SPATA31C1: variants seen among roughly 807,000 people sequenced by gnomAD.
The protein encoded by SPATA31C1 is SPATA31 subfamily C member 1.
exon 5 of SPATA31C1, chr9:87,923,121 A>T: frequency 6.2e-7 from 1 of 1,603,608 alleles, no homozygotes; most frequent in Non-Finnish European, 8.5e-7. Flanking sequence ...ACCGGAGGAG[A>T]ACATGTCACT....
In SPATA31C1 at chr9:87,919,235, C is replaced by T. The variant is rs532326419; in HGVS notation, n.523-56C>T. 34 of 661,274 alleles carry T rather than the reference C, an allele frequency of 5.1e-5. No individual in the cohort carries two copies. In the African/African-American group the frequency reaches 7.0e-4, roughly 14 times the overall value. The allele number at this position is 661,274 out of a possible 1,614,324, so 41.0% of individuals were successfully genotyped here. On this transcript the variant is annotated intron_variant and non_coding_transcript_variant, in intron 2 of 4. Transcript: ENST00000420021. ...AGAGGGAGAGCCGGTCCTAGCTCCT[C>T]GCCATTTCTTGTCTCCCAGCGTCAT...
exon 5 of SPATA31C1, chr9:87,920,971 C>A (rs947618892): frequency 6.8e-6 from 11 of 1,612,906 alleles, no homozygotes; most frequent in African/African-American, 4.0e-5. Flanking sequence ...ACACCTATGG[C>A]TCAGGCCGAG....
exon 5 of SPATA31C1, chr9:87,922,023 A>G (rs772431366): frequency 1.2e-6 from 2 of 1,613,900 alleles, no homozygotes; most frequent in East Asian, 4.5e-5. Context: ...GGCTGGCTCA[A>G]AAGTTGAGGT....
At chr9:87,921,716 T>C (rs1487800432) in exon 5 of SPATA31C1, 10 of 1,611,922 alleles carry the variant, frequency 6.2e-6, no homozygotes, top group Middle Eastern at 2.2e-4. Context: ...TGAGTGTGCG[T>C]CGATCCTGGC....
At chr9:87,921,546 G>A (rs769525270) in exon 5 of SPATA31C1, 1 of 1,611,994 alleles carries the variant, frequency 6.2e-7, no homozygotes, top group South Asian at 1.1e-5. Context: ...GAAGGTTCTG[G>A]GGGCGACCTC....
chr9:87,922,967 GCAATTTTTTGAGA>G, exon 5 of SPATA31C1: 1 of 1,236,086 alleles, frequency 8.1e-7, no homozygotes, highest in Non-Finnish European at 1.1e-6. Context: ...AAAACATCAA[GCAATTTTTTGAGA>G]CGATTTTTTC....
exon 5 of SPATA31C1, chr9:87,920,702 C>T: frequency 6.2e-7 from 1 of 1,614,008 alleles, no homozygotes; most frequent in Non-Finnish European, 8.5e-7. Flanking sequence ...TCCCTCAAAG[C>T]TTGTCTCCAC....
At chr9:87,915,744 AT>A (rs1386236463) in intron 1 of SPATA31C1, among the ~76,000 whole-genome samples, 11 of 142,754 alleles carry the variant, frequency 7.7e-5, no homozygotes, top group African/African-American at 2.8e-4. Context: ...GTATGGAACT[AT>A]TTCTGAGTTC....
exon 5 of SPATA31C1, chr9:87,921,099 C>T (rs764040109): frequency 3.7e-6 from 6 of 1,611,480 alleles, no homozygotes; most frequent in Admixed American, 3.3e-5. Context: ...TCTCTCCTTA[C>T]CTGAAACTCA....
intron 1 of SPATA31C1, among the ~76,000 whole-genome samples, chr9:87,915,802 T>C (rs1396711009): frequency 1.4e-5 from 2 of 145,002 alleles, no homozygotes; most frequent in African/African-American, 2.5e-5. Context: ...AATACCACAC[T>C]GTCTTGATTT....
chr9:87,919,220 C>G (rs1828780413), intron 2 of SPATA31C1, 35 bp from the exon 2 acceptor site: 1 of 1,600,352 alleles, frequency 6.2e-7, no homozygotes, highest in African/African-American at 1.3e-5. Flanking sequence ...AGAGGGAGAG[C>G]CGGTCCTAGC....
intron 1 of SPATA31C1, among the ~76,000 whole-genome samples, chr9:87,916,721 G>A (rs1326566182): frequency 2.6e-5 from 3 of 114,026 alleles, no homozygotes; most frequent in African/African-American, 5.1e-5. Context: ...CAGCAGGCCC[G>A]GCACGGTGGC....
chr9:87,919,122 T>A (rs144239244), intron 2 of SPATA31C1, 133 bp from the exon 2 acceptor site: 6 of 1,351,040 alleles, frequency 4.4e-6, no homozygotes, highest in African/African-American at 1.5e-5. Context: ...TAAACATGAG[T>A]GGGAGGGGAG....
In SPATA31C1 at chr9:87,922,979, G is replaced by C; in HGVS notation, n.3369G>C. The C allele has an allele frequency of 2.4e-6, 3 of 1,237,106 alleles. 1 individual carries two copies. Among genetic ancestry groups the C allele is most frequent in the African/African-American group, 3.9e-5 (2 of 50,768 alleles). 76.6% of individuals were successfully genotyped at this position (1,237,106 alleles called of 1,614,324 possible). A position where few individuals can be genotyped will look rare whatever the true frequency, so the allele number is the denominator to read the frequency against. On this transcript the variant is annotated non_coding_transcript_exon_variant, in exon 5 of 5. Coordinates refer to ENST00000420021, the Ensembl canonical transcript of SPATA31C1. ...GAGAAAACATCAAGCAATTTTTTGA[G>C]ACGATTTTTTCAAAGAAAGAAAGGA...
intron 3 of SPATA31C1, 73 bp from the exon 3 acceptor site, chr9:87,919,841 TAA>T (rs1828802353): frequency 6.3e-7 from 1 of 1,594,076 alleles, no homozygotes; most frequent in Non-Finnish European, 8.6e-7. Flanking sequence ...TGGTCTTCCC[TAA>T]AGAAACATAC....
In SPATA31C1 at chr9:87,921,134, G is replaced by C. The variant is rs1293585632; in HGVS notation, n.1524G>C. On this transcript the variant is annotated non_coding_transcript_exon_variant, in exon 5 of 5. Transcript: ENST00000420021. Reference sequence around the variant, plus strand: ...AGCACCCTGAAAGGCCTTTGTTGAGGAAACAACTAGAAGGTGGGTTGGCTT... The same window carrying C: ...AGCACCCTGAAAGGCCTTTGTTGAGCAAACAACTAGAAGGTGGGTTGGCTT... The C allele has an allele frequency of 2.5e-6, 4 of 1,611,766 alleles. No individual in the cohort carries two copies. The South Asian group carries it at 4.4e-5, about 18-fold the overall frequency.
At position 87,920,470 on chromosome 9, in the gene SPATA31C1, C is replaced by T. The variant is rs534239537; in HGVS notation, n.860C>T. On this transcript the variant is annotated non_coding_transcript_exon_variant, in exon 5 of 5. Coordinates refer to ENST00000420021, the Ensembl canonical transcript of SPATA31C1. ...ACCCCACCACCAGGCCCAATGACCA[C>T]CTCAGTCTCCTCCCTAAGTGCCTCC... The T allele has an allele frequency of 3.8e-5, 61 of 1,613,988 alleles. No individual in the cohort carries two copies. In the East Asian group the frequency reaches 9.6e-4, roughly 25 times the overall value.
chr9:87,922,048 G>A, exon 5 of SPATA31C1: 1 of 1,613,978 alleles, frequency 6.2e-7, no homozygotes, highest in South Asian at 1.1e-5. Context: ...ACGCTCCTTG[G>A]AGAGCCACCA....
At chr9:87,920,758 G>T in exon 5 of SPATA31C1, 1 of 1,613,924 alleles carries the variant, frequency 6.2e-7, no homozygotes. Flanking sequence ...GGCCTTGGCG[G>T]CTCAAACAGT....
Sources: allele counts gnomAD v4.1 joint callset (sites outside exome capture counted in the v4.1 genomes callset), GRCh38; gene constraint gnomAD v4.1.1; transcripts MANE v1.5; gene names NCBI Gene and HGNC (gene_info 2026-07-23, HGNC 2026-07-21).